Variants in WDR7 observed in about 807,000 individuals in gnomAD.
WDR7 encodes WD repeat-containing protein 7.
A neutral mutation model predicts 169.4 loss-of-function variants in WDR7; 46 were observed. The observed-to-expected ratio is 0.27, with a 90% CI of 0.21 to 0.35. The LOEUF is 0.35. WDR7 is among the 10% of genes least tolerant of loss of function. The pLI, the probability that WDR7 is intolerant of heterozygous loss-of-function variation, is 1.00. For synonymous variants in WDR7, 612 were observed against 666.8 expected (o/e 0.92, Z 1.27); for missense variants, 1,534 against 1,859.3 (o/e 0.83, Z 3.22).
chr18:56,759,022 T>C, intron 16 of WDR7, 69 bp downstream of exon 16: 1 of 1,243,576 alleles, frequency 8.0e-7, no homozygotes, highest in Non-Finnish European at 1.1e-6. Context: ...GCATAGCTAA[T>C]GTATAATCAT....
At chr18:56,798,465 T>C (rs939417553) in intron 19 of WDR7, among the ~76,000 whole-genome samples, 2 of 152,190 alleles carry the variant, frequency 1.3e-5, no homozygotes, top group Admixed American at 6.5e-5. Flanking sequence ...CCAGGGATGC[T>C]TCTAAACAGG....
chr18:56,879,681 A>G (rs151016996), intron 20 of WDR7, among the ~76,000 whole-genome samples: 1 of 152,200 alleles, frequency 6.6e-6, no homozygotes, highest in East Asian at 1.9e-4. Flanking sequence ...ACAAACATAT[A>G]CACCTATGTT....
chr18:56,834,534 G>C (rs112611963), intron 20 of WDR7, among the ~76,000 whole-genome samples: 3 of 151,628 alleles, frequency 2.0e-5, no homozygotes, highest in Non-Finnish European at 4.4e-5. Flanking sequence ...ACAATATCTC[G>C]TGTGACCTGA....
At chr18:56,751,641 G>A (rs1321430141) in intron 14 of WDR7, among the ~76,000 whole-genome samples, 1 of 152,104 alleles carries the variant, frequency 6.6e-6, no homozygotes, top group African/African-American at 2.4e-5. Context: ...CTAGTCTGGT[G>A]CCTAGGCCAT....
chr18:56,711,615 T>C (rs1158365644), intron 12 of WDR7, among the ~76,000 whole-genome samples: 5 of 152,168 alleles, frequency 3.3e-5, no homozygotes, highest in African/African-American at 1.2e-4. Context: ...TTCACGTAAT[T>C]ATCCAATTAG....
intron 14 of WDR7, among the ~76,000 whole-genome samples, chr18:56,743,804 G>A (rs2043657373): frequency 6.6e-6 from 1 of 152,192 alleles, no homozygotes; most frequent in African/African-American, 2.4e-5. Flanking sequence ...AGTAGTGAGA[G>A]GAACGTTCTC....
chr18:56,758,001 T>C (rs531563240), intron 15 of WDR7, among the ~76,000 whole-genome samples: 4 of 150,454 alleles, frequency 2.7e-5, no homozygotes, highest in African/African-American at 1.0e-4. Flanking sequence ...CATTAAATGC[T>C]TCTTCTCATT....
At chr18:56,773,279 C>T (rs2044192174) in intron 16 of WDR7, among the ~76,000 whole-genome samples, 1 of 152,022 alleles carries the variant, frequency 6.6e-6, no homozygotes, top group African/African-American at 2.4e-5. Context: ...TGTAACGGGG[C>T]TTCAAGACAG....
chr18:56,976,174 AAG>A (rs1442850854), intron 26 of WDR7, among the ~76,000 whole-genome samples: 2 of 152,194 alleles, frequency 1.3e-5, no homozygotes, highest in East Asian at 3.9e-4. Context: ...GGTGAAGAAA[AAG>A]AGTAAGAATC....
intron 22 of WDR7, among the ~76,000 whole-genome samples, chr18:56,927,072 C>T (rs923515508): frequency 3.9e-5 from 6 of 152,190 alleles, no homozygotes; most frequent in Middle Eastern, 3.4e-3. Context: ...TTTAAAATTT[C>T]AGTTCACGTT....
At chr18:56,861,083 T>G (rs1391360358) in intron 20 of WDR7, among the ~76,000 whole-genome samples, 1 of 151,944 alleles carries the variant, frequency 6.6e-6, no homozygotes, top group Admixed American at 6.6e-5. Context: ...TAAATACTTT[T>G]GTAAAATACA....
intron 21 of WDR7, among the ~76,000 whole-genome samples, chr18:56,896,677 T>C (rs2046336474): frequency 6.6e-6 from 1 of 151,868 alleles, no homozygotes. Context: ...TGCCTGTCAT[T>C]ACCAAAAATC....
intron 1 of WDR7, among the ~76,000 whole-genome samples, chr18:56,667,026 A>G (rs1188725845): frequency 6.6e-6 from 1 of 152,074 alleles, no homozygotes; most frequent in Non-Finnish European, 1.5e-5. Flanking sequence ...GCAAAAGCTC[A>G]TTGCTTTTTT....
intron 13 of WDR7, among the ~76,000 whole-genome samples, chr18:56,727,571 G>C (rs2026487832): frequency 6.6e-6 from 1 of 152,134 alleles, no homozygotes; most frequent in Non-Finnish European, 1.5e-5. Flanking sequence ...AAAATCATCA[G>C]ATCTTGTGAG....
At chr18:56,943,598 A>T (rs1305819007) in intron 25 of WDR7, among the ~76,000 whole-genome samples, 1 of 152,188 alleles carries the variant, frequency 6.6e-6, no homozygotes, top group Non-Finnish European at 1.5e-5. Context: ...GAAAATCCAA[A>T]ATGTATACAA....
chr18:56,747,728 C>A (rs2043727554), intron 14 of WDR7, among the ~76,000 whole-genome samples: 1 of 152,150 alleles, frequency 6.6e-6, no homozygotes, highest in Admixed American at 6.5e-5. Flanking sequence ...AGGGAGCAGC[C>A]TGTGCAGATG....
chr18:56,875,056 T>C (rs536366334), intron 20 of WDR7, among the ~76,000 whole-genome samples: 26 of 152,362 alleles, frequency 1.7e-4, no homozygotes, highest in Admixed American at 3.9e-4. Context: ...ATCCAGATTT[T>C]TTTGTGCCTT....
At chr18:56,791,727 T>G (rs2044487793) in intron 19 of WDR7, among the ~76,000 whole-genome samples, 1 of 152,174 alleles carries the variant, frequency 6.6e-6, no homozygotes, top group Admixed American at 6.5e-5. Context: ...AAAGGTGTGA[T>G]CAGGATTCTG....
At chr18:56,666,650 A>G (rs917383593) in intron 1 of WDR7, among the ~76,000 whole-genome samples, 8 of 152,230 alleles carry the variant, frequency 5.3e-5, no homozygotes, top group African/African-American at 1.9e-4. Context: ...AATCTTGATT[A>G]ACCAGAATGC....
Sources: allele counts gnomAD v4.1 joint callset (sites outside exome capture counted in the v4.1 genomes callset), GRCh38; gene constraint gnomAD v4.1.1; transcripts MANE v1.5; gene names NCBI Gene and HGNC (gene_info 2026-07-23, HGNC 2026-07-21).